The following ZMIZ1 variants were observed in gnomAD, a reference collection of about 807,000 sequenced individuals.
ZMIZ1 encodes zinc finger MIZ-type containing 1.
A neutral mutation model predicts 113.9 loss-of-function variants in ZMIZ1; 17 were observed. That is an observed-to-expected ratio of 0.15 (90% CI 0.10 to 0.22). The LOEUF is 0.22. Ranked by LOEUF, ZMIZ1 falls within the 10% of genes least tolerant of loss-of-function variation. ZMIZ1 has a pLI of 1.00. For missense variants in ZMIZ1, 1,059 were observed against 1,477.8 expected, an observed-to-expected ratio of 0.72 and a Z score of 4.65; for synonymous variants, 607 against 603.1, an observed-to-expected ratio of 1.01 and a Z score of -0.09.
chr10:79,218,370 G>A (rs1235474631), intron 7 of ZMIZ1, among the ~76,000 whole-genome samples: 1 of 152,138 alleles, frequency 6.6e-6, no homozygotes, highest in African/African-American at 2.4e-5. Flanking sequence ...AGCTGCTTGG[G>A]AGGCTGGGGT....
chr10:79,070,482 G>A (rs1589237279), intron 1 of ZMIZ1, among the ~76,000 whole-genome samples: 1 of 142,916 alleles, frequency 7.0e-6, no homozygotes, highest in Admixed American at 6.9e-5. Context: ...CTCCAGGAAT[G>A]TAAACAACCC....
At chr10:79,281,891 T>C (rs1852762553) in intron 8 of ZMIZ1, among the ~76,000 whole-genome samples, 1 of 152,250 alleles carries the variant, frequency 6.6e-6, no homozygotes, top group Non-Finnish European at 1.5e-5. Flanking sequence ...GCTATTTAGC[T>C]GGTCCTTCAG....
chr10:79,098,071 T>C (rs4564274), intron 1 of ZMIZ1, among the ~76,000 whole-genome samples: 92,484 of 152,030 alleles, frequency 0.61, 28,720 homozygotes, highest in Non-Finnish European at 0.68. Context: ...TTGATGGAAG[T>C]CTGGGGCTTG....
intron 1 of ZMIZ1, among the ~76,000 whole-genome samples, chr10:79,117,850 G>C (rs1274211813): frequency 6.6e-6 from 1 of 152,174 alleles, no homozygotes; most frequent in African/African-American, 2.4e-5. Context: ...CAGGCCCCCA[G>C]GTCAGGGGAA....
intron 7 of ZMIZ1, among the ~76,000 whole-genome samples, chr10:79,227,166 T>C (rs1589448695): frequency 1.3e-5 from 2 of 152,318 alleles, no homozygotes; most frequent in African/African-American, 4.8e-5. Context: ...CAGGTTAAAA[T>C]GAAGTCTTGG....
chr10:79,185,508 C>CA (rs2132589415), intron 4 of ZMIZ1, among the ~76,000 whole-genome samples: 1 of 148,484 alleles, frequency 6.7e-6, no homozygotes, highest in Admixed American at 6.7e-5. Context: ...ACTTCTACAT[C>CA]TTTTTTTTTT....
At chr10:79,131,831 T>G (rs962779429) in intron 2 of ZMIZ1, among the ~76,000 whole-genome samples, 2 of 124,180 alleles carry the variant, frequency 1.6e-5, no homozygotes, top group African/African-American at 7.5e-5. Flanking sequence ...AGATTTGTAT[T>G]GATTTTGGCC....
intron 23 of ZMIZ1, among the ~76,000 whole-genome samples, chr10:79,307,885 C>T (rs978616942): frequency 6.6e-6 from 1 of 152,180 alleles, no homozygotes; most frequent in Non-Finnish European, 1.5e-5. Flanking sequence ...CATCAGCCCT[C>T]TCCCTCTCCC....
chr10:79,093,173 CACAT>C (rs71030962), intron 1 of ZMIZ1, among the ~76,000 whole-genome samples: 3,817 of 84,608 alleles, frequency 0.045, 98 homozygotes, highest in Non-Finnish European at 0.065. Context: ...CACACACACA[CACAT>C]ATTCAGGGGA....
intron 7 of ZMIZ1, among the ~76,000 whole-genome samples, chr10:79,227,846 A>G (rs993527044): frequency 3.9e-5 from 6 of 152,214 alleles, no homozygotes; most frequent in African/African-American, 1.4e-4. Context: ...CCAAGACAGC[A>G]GAGGTTTAGA....
chr10:79,164,301 T>C (rs1399685017), intron 4 of ZMIZ1, among the ~76,000 whole-genome samples: 1 of 152,194 alleles, frequency 6.6e-6, no homozygotes, highest in African/African-American at 2.4e-5. Context: ...GTAAAATGGG[T>C]GAAGGGCAGC....
At chr10:79,135,161 C>T (rs1272097258) in intron 2 of ZMIZ1, among the ~76,000 whole-genome samples, 3 of 152,172 alleles carry the variant, frequency 2.0e-5, no homozygotes, top group Non-Finnish European at 4.4e-5. Context: ...AATATGGACA[C>T]GGCTTACAGT....
At chr10:79,226,729 C>CCA (rs1301260858) in intron 7 of ZMIZ1, among the ~76,000 whole-genome samples, 1 of 152,136 alleles carries the variant, frequency 6.6e-6, no homozygotes, top group Non-Finnish European at 1.5e-5. Context: ...GTGTTGCAAG[C>CCA]CACAGCCTTG....
chr10:79,073,107 G>A (rs1472371651), intron 1 of ZMIZ1, among the ~76,000 whole-genome samples: 1 of 152,182 alleles, frequency 6.6e-6, no homozygotes. Context: ...CGGAGGAGAT[G>A]GGCGAGAGGA....
intron 7 of ZMIZ1, among the ~76,000 whole-genome samples, chr10:79,270,209 C>CA (rs1462909826): frequency 6.6e-6 from 1 of 152,246 alleles, no homozygotes; most frequent in Non-Finnish European, 1.5e-5. Context: ...CCCTAACGGA[C>CA]AGACAGTATG....
intron 1 of ZMIZ1, among the ~76,000 whole-genome samples, chr10:79,114,500 TGTGTGC>T (rs1435161450): frequency 0.017 from 1,247 of 73,218 alleles, 15 homozygotes; most frequent in East Asian, 0.096. Context: ...TGTGCGTGTG[TGTGTGC>T]GTGTGTGTGT....
chr10:79,092,739 T>C (rs1014446287), intron 1 of ZMIZ1, among the ~76,000 whole-genome samples: 1 of 152,158 alleles, frequency 6.6e-6, no homozygotes, highest in African/African-American at 2.4e-5. Context: ...ATCCCTGATA[T>C]CTCCCAGCAA....
At chr10:79,086,384 G>T (rs1215131486) in intron 1 of ZMIZ1, among the ~76,000 whole-genome samples, 2 of 152,256 alleles carry the variant, frequency 1.3e-5, no homozygotes, top group African/African-American at 4.8e-5. Flanking sequence ...AAAGCCTGAT[G>T]AGTTCTTGAA....
rs71482719 is a variant in ZMIZ1, at chr10:79,197,611, T to TACACACAC, written c.-49-3948_-49-3941dup. Among the ~76,000 whole-genome samples, 90 of 90,078 alleles carry TACACACAC rather than the reference T, an allele frequency of 1.0e-3. 1 individual carries two copies. Among genetic ancestry groups the TACACACAC allele is most frequent in the African/African-American group, 2.8e-3 (80 of 28,398 alleles). 59.1% of individuals were successfully genotyped at this position (90,078 alleles called of 152,430 possible). ...CCCAGACCATACACACACACACACA[T>TACACACAC]ACACACACACACACACACACACACA... On this transcript the variant is annotated intron_variant, in intron 4 of 24. Coordinates refer to ENST00000334512, the MANE Select transcript of ZMIZ1 (RefSeq NM_020338.4).
Sources: allele counts gnomAD v4.1 joint callset (sites outside exome capture counted in the v4.1 genomes callset), GRCh38; gene constraint gnomAD v4.1.1; transcripts MANE v1.5; gene names NCBI Gene and HGNC (gene_info 2026-07-23, HGNC 2026-07-21).